The following PPT2 variants were observed in gnomAD, a reference collection of about 807,000 sequenced individuals.
PPT2 encodes palmitoyl-protein thioesterase 2.
PPT2 carries 20 observed loss-of-function variants against 37.3 expected under a neutral mutation model. That is an observed-to-expected ratio of 0.54 (90% CI 0.38 to 0.78). PPT2 has a LOEUF of 0.78. Ranked by LOEUF, PPT2 falls within the 30% of genes least tolerant of loss-of-function variation. PPT2 has a pLI of 0.00. For synonymous variants in PPT2, 135 were observed against 159.1 expected (o/e 0.85, Z 1.14); for missense variants, 270 against 389.8 (o/e 0.69, Z 2.59).
intron 7 of PPT2, among the ~76,000 whole-genome samples, chr6:32,161,112 A>G (rs1784127019): frequency 6.6e-6 from 1 of 150,948 alleles, no homozygotes; most frequent in South Asian, 2.1e-4. Context: ...ATATATATAC[A>G]TTTATTTATA....
Position 32,162,513 on chromosome 6 carries a change from C to A in PPT2, c.711-55C>A, listed in dbSNP as rs1331612095. The A allele has an allele frequency of 6.5e-7, 1 of 1,532,302 alleles. No homozygotes were observed. The highest frequency in any genetic ancestry group is 1.4e-5 in the African/African-American group (1 of 73,010). 94.9% of individuals were successfully genotyped at this position (1,532,302 alleles called of 1,614,324 possible). A position where few individuals can be genotyped will look rare whatever the true frequency, so the allele number is the denominator to read the frequency against. On this transcript the variant is annotated intron_variant, in intron 7 of 8. Transcript: ENST00000324816. This position sits in a 1 kb window ranked among gnomAD's most constrained non-coding sequence, Gnocchi z 5.5. ...GCAATTACAGGCGTGTGCCACTGCG[C>A]CCGGCCAGATTTTCTCCAGCTCTTC... is the stretch of plus-strand genomic sequence containing the variant.
intron 7 of PPT2, among the ~76,000 whole-genome samples, chr6:32,160,628 T>C (rs1784094017): frequency 6.6e-6 from 1 of 151,498 alleles, no homozygotes; most frequent in Admixed American, 6.6e-5. Context: ...AGGGTGCCAC[T>C]GCACTCCAGC....
rs772954828 is a variant in PPT2, at chr6:32,162,595, G to A, written c.738G>A (p.Glu246=). Residue 246 remains glutamate, a synonymous_variant, in exon 8 of 9, where the codon GAG becomes GAA. Transcript: ENST00000324816. This position sits in a 1 kb window ranked among gnomAD's most constrained non-coding sequence, Gnocchi z 5.5. ...TCTTTGGTTTCTATGATGCAAATGA[G>A]ACCGTCCTGGAGATGGAGGAGCAAC... ...SSFFGFYDAN[E]TVLEMEEQLV... 179 of 1,611,422 alleles carry A rather than the reference G, an allele frequency of 1.1e-4. 3 individuals carry two copies. In the South Asian group the frequency reaches 1.7e-3, roughly 15 times the overall value.
chr6:32,162,500 G>A lies in PPT2; in HGVS notation c.711-68G>A, dbSNP rs539563787. ...CTCCCAAAGTGCTGCAATTACAGGC[G>A]TGTGCCACTGCGCCCGGCCAGATTT... On this transcript the variant is annotated intron_variant, in intron 7 of 8. Coordinates refer to ENST00000324816, the MANE Select transcript of PPT2 (RefSeq NM_005155.7). The surrounding 1 kb of genome is among the most constrained non-coding windows in gnomAD (Gnocchi z 5.5). 1.3e-5 allele frequency: 19 copies of A among 1,469,310 alleles called. No homozygotes were observed. In the African/African-American group the frequency reaches 1.4e-4, roughly 11 times the overall value. 91.0% of individuals were successfully genotyped at this position (1,469,310 alleles called of 1,614,324 possible).
intron 5 of PPT2, chr6:32,157,397 G>C: frequency 1.8e-6 from 1 of 564,266 alleles, no homozygotes; most frequent in Admixed American, 3.1e-5. Flanking sequence ...ATTTTTAGTA[G>C]AGACAGGGTT....
At chr6:32,159,454 ATAT>A (rs1784006100) in intron 7 of PPT2, among the ~76,000 whole-genome samples, 6 of 103,202 alleles carry the variant, frequency 5.8e-5, no homozygotes, top group Admixed American at 1.1e-4. Flanking sequence ...AAAAAAAAAT[ATAT>A]ATATATATAT....
chr6:32,153,709 C>A, upstream of PPT2: 2 of 1,528,234 alleles, frequency 1.3e-6, no homozygotes, highest in Non-Finnish European at 8.9e-7. The surrounding 1 kb of genome is among the most constrained non-coding windows in gnomAD (Gnocchi z 4.4). Context: ...GGGCTGGCAT[C>A]AGCCCTCCAG....
chr6:32,154,004 A>G, upstream of PPT2: 3 of 1,246,666 alleles, frequency 2.4e-6, no homozygotes, highest in Non-Finnish European at 3.0e-6. This position sits in a 1 kb window ranked among gnomAD's most constrained non-coding sequence, Gnocchi z 7.3. Context: ...CCCAGCACCT[A>G]GGGCGCAATG....
chr6:32,157,255 G>C (rs550129105), intron 5 of PPT2: 4 of 253,058 alleles, frequency 1.6e-5, no homozygotes, highest in East Asian at 1.7e-4. Flanking sequence ...GAGTCTCACT[G>C]TGTCTCCCAG....
In PPT2 at chr6:32,155,490, T is replaced by G. The variant is rs922028532; in HGVS notation, c.338-198T>G. On this transcript the variant is annotated intron_variant, in intron 3 of 8. Transcript: ENST00000324816. This position sits in a 1 kb window ranked among gnomAD's most constrained non-coding sequence, Gnocchi z 4.3. ...GGCCCAGCATCTAATTCGGGCTCAGTCACTTATATGATGTGTGACCTTTTG... is the reference window on the plus strand; with the variant it reads ...GGCCCAGCATCTAATTCGGGCTCAGGCACTTATATGATGTGTGACCTTTTG... 8.6e-5 allele frequency among the ~76,000 whole-genome samples: 13 copies of G among 152,036 alleles called. No homozygotes were observed. The highest frequency in any genetic ancestry group is 3.1e-4 in the African/African-American group (13 of 41,364).
rs908142643 is a variant in PPT2, at chr6:32,156,279, T to C, written c.541+301T>C. Among the ~76,000 whole-genome samples the C allele has an allele frequency of 2.0e-5, 3 of 152,076 alleles. No individual in the cohort carries two copies. Among genetic ancestry groups the C allele is most frequent in the African/African-American group, 7.2e-5 (3 of 41,386 alleles). ...CGCCATCATGCCCGGCTAAGTTTTG[T>C]ATTTTAAGTAGAGATGGAGTTTCGC... is the stretch of plus-strand genomic sequence containing the variant. On this transcript the variant is annotated intron_variant, in intron 5 of 8. Coordinates refer to ENST00000324816, the MANE Select transcript of PPT2 (RefSeq NM_005155.7). This position sits in a 1 kb window ranked among gnomAD's most constrained non-coding sequence, Gnocchi z 4.9.
At position 32,163,192 on chromosome 6, in the gene PPT2, C is replaced by T. The variant is rs569696299; in HGVS notation, c.*242C>T. ...TGTCCTCTCATTTGGGGGATTGCTC[C>T]GTGCTGTCCCTTTCTCTCAAGGCCG... On this transcript the variant is annotated 3_prime_UTR_variant, in exon 9 of 9. Transcript: ENST00000324816. The T allele has an allele frequency of 1.0e-4, 52 of 504,682 alleles. 1 individual carries two copies. In the East Asian group the frequency reaches 1.2e-3, roughly 12 times the overall value. 31.3% of individuals were successfully genotyped at this position (504,682 alleles called of 1,614,324 possible).
In PPT2 at chr6:32,162,472, G is replaced by A; in HGVS notation, c.711-96G>A. 4.0e-6 allele frequency: 5 copies of A among 1,262,210 alleles called. No individual in the cohort carries two copies. The highest frequency in any genetic ancestry group is 5.8e-6 in the Non-Finnish European group (5 of 865,868). The allele number at this position is 1,262,210 out of a possible 1,614,324, so 78.2% of individuals were successfully genotyped here. ...TGGCCTCAGGTGATTTGCCCTCCTT[G>A]GCCTCCCAAAGTGCTGCAATTACAG... On this transcript the variant is annotated intron_variant, in intron 7 of 8. Transcript: ENST00000324816. The surrounding 1 kb of genome is among the most constrained non-coding windows in gnomAD (Gnocchi z 5.5).
chr6:32,162,258 C>T lies in PPT2; in HGVS notation c.711-310C>T, dbSNP rs890097087. Among the ~76,000 whole-genome samples, 5 of 152,068 alleles carry T rather than the reference C, an allele frequency of 3.3e-5. No homozygotes were observed. Among genetic ancestry groups the T allele is most frequent in the Non-Finnish European group, 7.4e-5 (5 of 68,010 alleles). ...TTTTTGAGATGGGGTCCCGCTCTGT[C>T]ACCCAGGCTGAAGTGCAGTGGTGCG... On this transcript the variant is annotated intron_variant, in intron 7 of 8. Coordinates refer to ENST00000324816, the MANE Select transcript of PPT2 (RefSeq NM_005155.7). This position sits in a 1 kb window ranked among gnomAD's most constrained non-coding sequence, Gnocchi z 5.5.
rs1437841125 is a variant in PPT2 at position 32,163,301 on chromosome 6, G to T, written c.*351G>T. 7 of 273,040 alleles carry T rather than the reference G, an allele frequency of 2.6e-5. No individual in the cohort carries two copies. The South Asian group carries it at 4.7e-4, about 18-fold the overall frequency. The allele number at this position is 273,040 out of a possible 1,614,324, so 16.9% of individuals were successfully genotyped here. A position where few individuals can be genotyped will look rare whatever the true frequency, so the allele number is the denominator to read the frequency against. ...CTCCGTATCTGGCTGTATGGGTGGA[G>T]AACCCACCCCCTGCCCACCACAGGG... On this transcript the variant is annotated 3_prime_UTR_variant, in exon 9 of 9. Coordinates refer to ENST00000324816, the MANE Select transcript of PPT2 (RefSeq NM_005155.7).
At chr6:32,160,294 C>T (rs1342877645) in intron 7 of PPT2, among the ~76,000 whole-genome samples, 10 of 150,334 alleles carry the variant, frequency 6.7e-5, no homozygotes, top group African/African-American at 9.8e-5. Flanking sequence ...ATCCACCCGC[C>T]TCGGCCTCCC....
At position 32,156,401 on chromosome 6, in the gene PPT2, T is replaced by C. The variant is rs1783811517; in HGVS notation, c.541+423T>C. Among the ~76,000 whole-genome samples the C allele has an allele frequency of 6.6e-6, 1 of 152,196 alleles. No homozygotes were observed. Among genetic ancestry groups the C allele is most frequent in the African/African-American group, 2.4e-5 (1 of 41,452 alleles). On this transcript the variant is annotated intron_variant, in intron 5 of 8. Coordinates refer to ENST00000324816, the MANE Select transcript of PPT2 (RefSeq NM_005155.7). This position sits in a 1 kb window ranked among gnomAD's most constrained non-coding sequence, Gnocchi z 4.9. Reference sequence around the variant, plus strand: ...GATTACAGGTGTGAACCATTGCACCTGGCCCAGAATGTTTTAAGTGTGTCA... The same window carrying C: ...GATTACAGGTGTGAACCATTGCACCCGGCCCAGAATGTTTTAAGTGTGTCA...
At chr6:32,153,623 C>T, upstream of PPT2, 1 of 1,451,322 alleles carries the variant, frequency 6.9e-7, no homozygotes, top group Non-Finnish European at 9.2e-7. This position sits in a 1 kb window ranked among gnomAD's most constrained non-coding sequence, Gnocchi z 4.4. Context: ...ACACGCACTT[C>T]AGAATGAAGA....
At position 32,163,061 on chromosome 6, in the gene PPT2, T is replaced by C; in HGVS notation, c.*111T>C. ...TGTGACCACCTCATTGCTCCCATAT[T>C]ATCCCCCATTTTTAGTAGAGACGGG... On this transcript the variant is annotated 3_prime_UTR_variant, in exon 9 of 9. Transcript: ENST00000324816. The C allele has an allele frequency of 7.8e-7, 1 of 1,276,868 alleles. No homozygotes were observed. Among genetic ancestry groups the C allele is most frequent in the East Asian group, 2.3e-5 (1 of 42,732 alleles). 79.1% of individuals were successfully genotyped at this position (1,276,868 alleles called of 1,614,324 possible).
Sources: allele counts gnomAD v4.1 joint callset (sites outside exome capture counted in the v4.1 genomes callset), GRCh38; gene constraint gnomAD v4.1.1; non-coding constraint Gnocchi (gnomAD v3.1); transcripts MANE v1.5; gene names NCBI Gene and HGNC (gene_info 2026-07-23, HGNC 2026-07-21).